The following GRID2 variants were observed in gnomAD, a reference collection of about 807,000 sequenced individuals.
GRID2 encodes the protein glutamate receptor ionotropic, delta-2.
A neutral mutation model predicts 114.8 loss-of-function variants in GRID2; 33 were observed. That is an observed-to-expected ratio of 0.29 (90% CI 0.22 to 0.38). GRID2 has a LOEUF of 0.38. GRID2 is among the 10% of genes least tolerant of loss of function. GRID2 has a pLI of 1.00. For missense variants in GRID2, 1,184 were observed against 1,257.7 expected (o/e 0.94, Z 0.89); for synonymous variants, 505 against 449.9 (o/e 1.12, Z -1.55).
chr4:93,573,439 A>G (rs1035455003), intron 13 of GRID2, among the ~76,000 whole-genome samples: 3 of 152,196 alleles, frequency 2.0e-5, no homozygotes, highest in Non-Finnish European at 4.4e-5. Context: ...ACATGACTGT[A>G]TGCTGCCTTT....
chr4:92,895,670 C>G (rs1370720878), intron 2 of GRID2, among the ~76,000 whole-genome samples: 2 of 151,940 alleles, frequency 1.3e-5, no homozygotes, highest in Admixed American at 6.6e-5. Context: ...GTTGAAAGTT[C>G]TACTATCTGT....
chr4:92,311,629 C>A (rs973326262), intron 1 of GRID2, among the ~76,000 whole-genome samples: 2 of 151,890 alleles, frequency 1.3e-5, no homozygotes, highest in African/African-American at 2.4e-5. Context: ...TTTTATTGAG[C>A]AGAGTACCTG....
At chr4:93,187,484 C>A (rs2149443227) in intron 4 of GRID2, among the ~76,000 whole-genome samples, 1 of 152,236 alleles carries the variant, frequency 6.6e-6, no homozygotes, top group Non-Finnish European at 1.5e-5. Context: ...TCACGTTGGC[C>A]AGGCTGGTCT....
At chr4:92,497,678 C>G (rs759185757) in intron 1 of GRID2, among the ~76,000 whole-genome samples, 4 of 151,908 alleles carry the variant, frequency 2.6e-5, no homozygotes, top group African/African-American at 7.2e-5. Flanking sequence ...ACTTCTTCAC[C>G]TTTTTCTCTC....
intron 14 of GRID2, among the ~76,000 whole-genome samples, chr4:93,724,528 A>G (rs1015838229): frequency 2.0e-5 from 3 of 152,166 alleles, no homozygotes; most frequent in Non-Finnish European, 4.4e-5. Flanking sequence ...TCATAAAAAC[A>G]TTACCAAATT....
Position 92,951,547 on chromosome 4 carries a change from T to C in GRID2, c.245-133448T>C, listed in dbSNP as rs148286362. 4.2e-3 allele frequency among the ~76,000 whole-genome samples: 637 copies of C among 152,122 alleles called. 7 individuals carry two copies. Among genetic ancestry groups the C allele is most frequent in the African/African-American group, 0.014 (601 of 41,490 alleles). On this transcript the variant is annotated intron_variant, in intron 2 of 15. Coordinates refer to ENST00000282020, the MANE Select transcript of GRID2 (RefSeq NM_001510.4). ...TTGCTGAGACAGGGTTTCAACATGT[T>C]GCCCAGGCTGGTCTCAAGCGATGCA...
intron 2 of GRID2, among the ~76,000 whole-genome samples, chr4:93,044,088 C>T (rs886292290): frequency 6.6e-6 from 1 of 152,010 alleles, no homozygotes; most frequent in Non-Finnish European, 1.5e-5. Context: ...TAGATAACTG[C>T]AGAAAACCAA....
chr4:92,724,471 T>G (rs1235274361), intron 2 of GRID2, among the ~76,000 whole-genome samples: 1 of 152,190 alleles, frequency 6.6e-6, no homozygotes, highest in Admixed American at 6.6e-5. Flanking sequence ...AAGTTGCACT[T>G]GGAGTCTGAA....
chr4:93,056,247 C>G (rs1727230157), intron 2 of GRID2, among the ~76,000 whole-genome samples: 1 of 151,916 alleles, frequency 6.6e-6, no homozygotes, highest in Non-Finnish European at 1.5e-5. Flanking sequence ...GAGGTCAGAT[C>G]TGCACATTGA....
intron 2 of GRID2, among the ~76,000 whole-genome samples, chr4:93,042,293 CTCTCTCTATATA>C (rs920175912): frequency 2.1e-4 from 18 of 86,536 alleles, no homozygotes; most frequent in South Asian, 2.0e-3. Flanking sequence ...CTCTCTCTCT[CTCTCTCTATATA>C]TATATATATA....
At chr4:92,579,089 T>G (rs1480122978) in intron 1 of GRID2, among the ~76,000 whole-genome samples, 1 of 152,170 alleles carries the variant, frequency 6.6e-6, no homozygotes, top group African/African-American at 2.4e-5. Flanking sequence ...TCTCCTTATG[T>G]TTCCCTTATG....
intron 2 of GRID2, among the ~76,000 whole-genome samples, chr4:92,868,828 T>G (rs1745081003): frequency 2.6e-5 from 4 of 152,116 alleles, no homozygotes; most frequent in Admixed American, 2.6e-4. Flanking sequence ...AGGTACATCT[T>G]AGCATTTATC....
intron 2 of GRID2, among the ~76,000 whole-genome samples, chr4:93,083,308 C>T (rs1375820978): frequency 2.0e-5 from 3 of 152,006 alleles, no homozygotes; most frequent in Admixed American, 6.6e-5. Flanking sequence ...TAAGTATACA[C>T]TTATATTATT....
chr4:93,439,463 G>A (rs1721421123), intron 10 of GRID2, among the ~76,000 whole-genome samples: 1 of 151,974 alleles, frequency 6.6e-6, no homozygotes, highest in Admixed American at 6.6e-5. Context: ...TTGATTTTGT[G>A]GTACCTGAGG....
chr4:92,944,596 A>C (rs951905260), intron 2 of GRID2, among the ~76,000 whole-genome samples: 1 of 152,168 alleles, frequency 6.6e-6, no homozygotes, highest in Non-Finnish European at 1.5e-5. Context: ...CTCCCCAGGG[A>C]GATGAACCTG....
intron 2 of GRID2, among the ~76,000 whole-genome samples, chr4:92,852,689 A>G (rs556046624): frequency 6.6e-6 from 1 of 151,568 alleles, no homozygotes; most frequent in Non-Finnish European, 1.5e-5. Context: ...GAAAGTCCCC[A>G]TGTCCTGGGT....
chr4:92,313,079 ATATG>A (rs1356437800), intron 1 of GRID2, among the ~76,000 whole-genome samples: 12 of 105,446 alleles, frequency 1.1e-4, no homozygotes, highest in South Asian at 6.8e-4. Context: ...AGAAACTCTG[ATATG>A]TGTGTGTGTG....
At chr4:92,388,683 G>A (rs1439544223) in intron 1 of GRID2, among the ~76,000 whole-genome samples, 4 of 151,918 alleles carry the variant, frequency 2.6e-5, no homozygotes, top group East Asian at 3.9e-4. Flanking sequence ...CCCTACTTCC[G>A]TAGCATTCAT....
intron 13 of GRID2, among the ~76,000 whole-genome samples, chr4:93,563,451 T>G (rs1377985470): frequency 1.3e-5 from 2 of 151,926 alleles, no homozygotes; most frequent in Non-Finnish European, 2.9e-5. Context: ...CATTCAGTCC[T>G]AAGGACAAAC....
Sources: allele counts gnomAD v4.1 joint callset (sites outside exome capture counted in the v4.1 genomes callset), GRCh38; gene constraint gnomAD v4.1.1; transcripts MANE v1.5; gene names NCBI Gene and HGNC (gene_info 2026-07-23, HGNC 2026-07-21).